FBXW7: variants seen among roughly 807,000 people sequenced by gnomAD.
The protein encoded by FBXW7 is F-box and WD repeat domain containing 7.
Under a neutral mutation model 86.3 loss-of-function variants are expected in FBXW7, and 11 were observed. The observed-to-expected ratio is 0.13, with a 90% CI of 0.08 to 0.21. The LOEUF (loss-of-function observed/expected upper bound fraction) is 0.21. FBXW7 is among the 10% of genes least tolerant of loss of function. The probability of loss-of-function intolerance (pLI) is 1.00; values close to 1 mark genes in which losing one functional copy is unlikely to be tolerated. For missense variants in FBXW7, 488 were observed against 847.4 expected (o/e 0.58, Z 5.27); for synonymous variants, 313 against 297.9 (o/e 1.05, Z -0.52).
At chr4:152,477,022 C>T (rs1485943500) in intron 2 of FBXW7, among the ~76,000 whole-genome samples, 1 of 151,488 alleles carries the variant, frequency 6.6e-6, no homozygotes. Flanking sequence ...CCTCTTCACA[C>T]TACTATATGG....
chr4:152,520,575 C>G (rs1031131636), intron 2 of FBXW7, among the ~76,000 whole-genome samples: 2 of 152,120 alleles, frequency 1.3e-5, no homozygotes, highest in African/African-American at 4.8e-5. Context: ...AGAGTACATA[C>G]TCACTTAATT....
chr4:152,504,102 T>G (rs772798032), intron 2 of FBXW7, among the ~76,000 whole-genome samples: 1 of 152,210 alleles, frequency 6.6e-6, no homozygotes, highest in Non-Finnish European at 1.5e-5. Context: ...GGCAGTATTC[T>G]TTTGTTTCCT....
intron 4 of FBXW7, chr4:152,352,472 T>G (rs778854874): frequency 1.2e-6 from 2 of 1,613,826 alleles, no homozygotes; most frequent in Non-Finnish European, 8.5e-7. Flanking sequence ...TTACTTACTT[T>G]GTAAAAAATC....
intron 2 of FBXW7, among the ~76,000 whole-genome samples, chr4:152,520,305 C>A (rs1388536361): frequency 1.3e-5 from 2 of 151,524 alleles, no homozygotes; most frequent in African/African-American, 4.9e-5. Context: ...CGGTGGCGGG[C>A]GCCTGTAGTC....
At chr4:152,394,136 G>A (rs1459415971) in intron 4 of FBXW7, among the ~76,000 whole-genome samples, 5 of 151,906 alleles carry the variant, frequency 3.3e-5, no homozygotes, top group African/African-American at 1.2e-4. Flanking sequence ...CAAAACTATT[G>A]TTCCATTCAT....
chr4:152,384,088 T>C (rs968901021), intron 4 of FBXW7, among the ~76,000 whole-genome samples: 2 of 152,120 alleles, frequency 1.3e-5, no homozygotes, highest in Non-Finnish European at 2.9e-5. Context: ...CAATGTGAAA[T>C]GAATGAATGT....
chr4:152,391,772 T>C (rs1217048036), intron 4 of FBXW7, among the ~76,000 whole-genome samples: 2 of 152,108 alleles, frequency 1.3e-5, no homozygotes, highest in Admixed American at 6.6e-5. Flanking sequence ...GCTTACAAAT[T>C]TGCCCAAGGT....
chr4:152,377,365 T>C (rs573118526), intron 4 of FBXW7, among the ~76,000 whole-genome samples: 4 of 152,296 alleles, frequency 2.6e-5, no homozygotes, highest in East Asian at 3.9e-4. Flanking sequence ...GAGGAGTACC[T>C]AGAATACATA....
intron 6 of FBXW7, among the ~76,000 whole-genome samples, chr4:152,340,125 TA>T (rs1277311228): frequency 3.9e-5 from 6 of 152,160 alleles, no homozygotes; most frequent in Non-Finnish European, 5.9e-5. Context: ...TATGCCTGTA[TA>T]ACAAAACATA....
At chr4:152,398,271 G>A (rs1001583067) in intron 4 of FBXW7, among the ~76,000 whole-genome samples, 1 of 151,574 alleles carries the variant, frequency 6.6e-6, no homozygotes, top group Non-Finnish European at 1.5e-5. Flanking sequence ...GCCCTCTAGT[G>A]TTCAGTGAAG....
intron 2 of FBXW7, among the ~76,000 whole-genome samples, chr4:152,419,552 T>TA (rs1323420578): frequency 3.4e-5 from 4 of 116,508 alleles, no homozygotes; most frequent in Non-Finnish European, 5.5e-5. Context: ...GGCAAAGTCT[T>TA]AAAAAAAATG....
intron 2 of FBXW7, among the ~76,000 whole-genome samples, chr4:152,457,439 G>A (rs1742521075): frequency 6.6e-6 from 1 of 152,118 alleles, no homozygotes; most frequent in South Asian, 2.1e-4. Context: ...TCAGGAGAGC[G>A]AGACCATCCT....
intron 2 of FBXW7, among the ~76,000 whole-genome samples, chr4:152,426,947 G>T (rs1319490983): frequency 6.6e-6 from 1 of 152,156 alleles, no homozygotes; most frequent in African/African-American, 2.4e-5. Flanking sequence ...ACAATACAAC[G>T]GGGAGCTCTG....
intron 2 of FBXW7, among the ~76,000 whole-genome samples, chr4:152,421,592 C>G (rs758611708): frequency 6.6e-6 from 1 of 152,172 alleles, no homozygotes; most frequent in Non-Finnish European, 1.5e-5. Flanking sequence ...GTACTCACAA[C>G]TTGGATGTTT....
At chr4:152,372,041 TA>T (rs939450615) in intron 4 of FBXW7, among the ~76,000 whole-genome samples, 3 of 151,762 alleles carry the variant, frequency 2.0e-5, no homozygotes, top group African/African-American at 4.8e-5. Flanking sequence ...CTGGGACAAT[TA>T]AAAAAAATGT....
chr4:152,446,980 A>T (rs1455630656), intron 2 of FBXW7, among the ~76,000 whole-genome samples: 2 of 152,204 alleles, frequency 1.3e-5, no homozygotes, highest in Non-Finnish European at 2.9e-5. Flanking sequence ...CCTGTTGAAT[A>T]ATAAAAGATT....
At chr4:152,393,491 A>C (rs1194240196) in intron 4 of FBXW7, among the ~76,000 whole-genome samples, 2 of 152,126 alleles carry the variant, frequency 1.3e-5, no homozygotes, top group East Asian at 3.8e-4. Context: ...CCAAAACTGA[A>C]ACACGTGATA....
At chr4:152,436,413 G>A (rs1236474705) in intron 2 of FBXW7, among the ~76,000 whole-genome samples, 1 of 152,184 alleles carries the variant, frequency 6.6e-6, no homozygotes, top group African/African-American at 2.4e-5. Context: ...TGGTTCACGG[G>A]CTTAAAAAAA....
chr4:152,416,460 T>TA (rs977847879), intron 2 of FBXW7, among the ~76,000 whole-genome samples: 1 of 152,182 alleles, frequency 6.6e-6, no homozygotes, highest in Non-Finnish European at 1.5e-5. Context: ...GCACAGGATG[T>TA]AAAAAAACAA....
Sources: gnomAD v4.1 joint callset for allele counts (sites outside exome capture counted in the v4.1 genomes callset) on GRCh38, gnomAD v4.1.1 for gene constraint, MANE v1.5 for transcripts, NCBI Gene and HGNC (gene_info 2026-07-23, HGNC 2026-07-21) for gene names.